ZNF221: variants seen among roughly 807,000 people sequenced by gnomAD.
ZNF221 encodes the protein zinc finger protein 221.
ZNF221 carries 10 observed loss-of-function variants against 12.6 expected under a neutral mutation model. The ratio of observed to expected loss-of-function variants is 0.79; its 90% CI spans 0.49 to 1.34. The LOEUF is 1.34. Ranked by LOEUF, ZNF221 falls within the 40% of genes most tolerant of loss-of-function variation. The probability of loss-of-function intolerance (pLI) is 0.00; values close to 1 mark genes in which losing one functional copy is unlikely to be tolerated. For missense variants in ZNF221, 661 were observed against 721.4 expected, an observed-to-expected ratio of 0.92 and a Z score of 0.96; for synonymous variants, 232 against 244.0, an observed-to-expected ratio of 0.95 and a Z score of 0.46.
chr19:43,959,421 A>G (rs965166659), intron 1 of ZNF221, among the ~76,000 whole-genome samples: 1 of 152,144 alleles, frequency 6.6e-6, no homozygotes, highest in Non-Finnish European at 1.5e-5. Flanking sequence ...AGTCCTTTTA[A>G]TTACATTTGA....
At chr19:43,954,614 A>G (rs1227388242) in intron 1 of ZNF221, among the ~76,000 whole-genome samples, 3 of 152,176 alleles carry the variant, frequency 2.0e-5, no homozygotes, top group Non-Finnish European at 4.4e-5. Context: ...GATGGGGTGA[A>G]GGCACAACCC....
At chr19:43,977,009 T>C in the ZNF221 span, 1 of 152,308 alleles carries the variant, frequency 6.6e-6, no homozygotes, top group East Asian at 1.9e-4. Context: ...AGTGCATTTA[T>C]TAATATAAAA....
chr19:43,958,935 G>A (rs1012917682), intron 1 of ZNF221, among the ~76,000 whole-genome samples: 4 of 151,900 alleles, frequency 2.6e-5, no homozygotes, highest in South Asian at 2.1e-4. Flanking sequence ...AGTTTCCTTC[G>A]GGCCTAACAA....
rs577809977 is a variant in ZNF221, at chr19:43,951,240, G to A, written c.-163G>A. On this transcript the variant is annotated 5_prime_UTR_variant, in exon 1 of 5. Coordinates refer to ENST00000587682, the MANE Select transcript of ZNF221 (RefSeq NM_001297588.2). ...GGAAATGTAGTCCAGACGCTCTGTG[G>A]AGTCGCGGGAGCTACGGCTGCGGGA... 1 of 152,398 alleles carries A rather than the reference G, an allele frequency of 6.6e-6. No individual in the cohort carries two copies. Among genetic ancestry groups the A allele is most frequent in the East Asian group, 1.9e-4 (1 of 5,188 alleles). 9.4% of individuals were successfully genotyped at this position (152,398 alleles called of 1,614,324 possible). A position where few individuals can be genotyped will look rare whatever the true frequency, so the allele number is the denominator to read the frequency against.
chr19:43,964,801 G>A, intron 2 of ZNF221, 149 bp from the exon 3 acceptor site: 1 of 1,066,732 alleles, frequency 9.4e-7, no homozygotes. Context: ...CAGGATATAG[G>A]CAGAATGAGT....
chr19:43,979,027 C>T, the ZNF221 span, among the ~76,000 whole-genome samples: 16 of 149,460 alleles, frequency 1.1e-4, no homozygotes, highest in African/African-American at 4.0e-4. Context: ...AAAATACACT[C>T]ATTTTACTTG....
downstream of ZNF221, among the ~76,000 whole-genome samples, chr19:43,969,303 C>G (rs1487718036): frequency 1.3e-5 from 2 of 148,934 alleles, no homozygotes; most frequent in Admixed American, 1.3e-4. Context: ...ACACAGAACA[C>G]CTGCTTTGCC....
Position 43,967,312 on chromosome 19 carries a change from GC to G in ZNF221, c.1811del (p.Ala604ValfsTer6). ...VWEEIYSEFT[A>X]SFTSVSLCGR... Reference sequence around the variant, plus strand: ...GGAAGAGATCTACTCAGAATTCACAGCTTCATTTACATCAGTAAGTCTATGT... The same window carrying G: ...GGAAGAGATCTACTCAGAATTCACAGTTCATTTACATCAGTAAGTCTATGT... On this transcript the variant is annotated frameshift_variant, in exon 5 of 5. Coordinates refer to ENST00000587682, the MANE Select transcript of ZNF221 (RefSeq NM_001297588.2). LOFTEE classifies it low-confidence loss of function (END_TRUNC). 1 of 1,613,276 alleles carries G rather than the reference GC, an allele frequency of 6.2e-7. No homozygotes were observed. Among genetic ancestry groups the G allele is most frequent in the East Asian group, 2.2e-5 (1 of 44,804 alleles).
intron 2 of ZNF221, among the ~76,000 whole-genome samples, chr19:43,963,476 G>A (rs1974883906): frequency 6.6e-6 from 1 of 152,196 alleles, no homozygotes; most frequent in Non-Finnish European, 1.5e-5. Flanking sequence ...TTTCACACAG[G>A]AAGAGCTAGA....
At chr19:43,976,250 G>A in the ZNF221 span, among the ~76,000 whole-genome samples, 1 of 151,488 alleles carries the variant, frequency 6.6e-6, no homozygotes, top group African/African-American at 2.4e-5. Flanking sequence ...AAATTTTTCT[G>A]GTAAAGGCCA....
At chr19:43,975,772 G>A in the ZNF221 span, among the ~76,000 whole-genome samples, 1 of 152,146 alleles carries the variant, frequency 6.6e-6, no homozygotes, top group African/African-American at 2.4e-5. Flanking sequence ...AACATGAGTT[G>A]AAATGCAGGG....
rs929900112 is a variant in ZNF221, at chr19:43,967,604, G to A, written c.*248G>A. On this transcript the variant is annotated 3_prime_UTR_variant, in exon 5 of 5. Transcript: ENST00000587682. Reference sequence around the variant, plus strand: ...CGCCATTCTCCTGCCTCAGCCTCCCGAGTAGCTGGGACTACAGGTGCCCGC... The same window carrying A: ...CGCCATTCTCCTGCCTCAGCCTCCCAAGTAGCTGGGACTACAGGTGCCCGC... 6.3e-5 allele frequency: 25 copies of A among 399,540 alleles called. No homozygotes were observed. The highest frequency in any genetic ancestry group is 2.2e-4 in the African/African-American group (11 of 49,364). The allele number at this position is 399,540 out of a possible 1,614,324, so 24.7% of individuals were successfully genotyped here. A position where few individuals can be genotyped will look rare whatever the true frequency, so the allele number is the denominator to read the frequency against.
At chr19:43,977,271 C>T in the ZNF221 span, 1 of 152,082 alleles carries the variant, frequency 6.6e-6, no homozygotes, top group African/African-American at 2.4e-5. Context: ...TCTCATTGAA[C>T]ACCAATTTTA....
downstream of ZNF221, chr19:43,967,918 T>C (rs575390196): frequency 1.8e-5 from 3 of 162,192 alleles, no homozygotes; most frequent in Admixed American, 6.1e-5. Flanking sequence ...CCGTGGAAGT[T>C]TGGGGAGATT....
In ZNF221 at chr19:43,966,422, A is replaced by G; in HGVS notation, c.920A>G (p.Glu307Gly). 6.2e-6 allele frequency: 10 copies of G among 1,614,076 alleles called. No homozygotes were observed. Among genetic ancestry groups the G allele is most frequent in the Non-Finnish European group, 8.5e-6 (10 of 1,179,984 alleles). Reference protein sequence around the residue: ...LQEHQRIHTGEKPFKCDICGK... With the variant: ...LQEHQRIHTGGKPFKCDICGK... ...GAACATCAGAGAATCCATACTGGGG[A>G]GAAGCCATTCAAATGTGATATATGT... Residue 307 changes from glutamate to glycine, a missense_variant, in exon 5 of 5, where the codon GAG becomes GGG. By Grantham distance (98) the Glu-to-Gly change is moderately conservative. Coordinates refer to ENST00000587682, the MANE Select transcript of ZNF221 (RefSeq NM_001297588.2).
At chr19:43,976,023 A>T in the ZNF221 span, among the ~76,000 whole-genome samples, 1 of 152,148 alleles carries the variant, frequency 6.6e-6, no homozygotes, top group African/African-American at 2.4e-5. Context: ...TTTTTCAACA[A>T]TTTTAAGGCA....
chr19:43,967,452 TG>T lies in ZNF221; in HGVS notation c.*99del. 1.1e-6 allele frequency: 1 copy of T among 930,120 alleles called. No homozygotes were observed. Among genetic ancestry groups the T allele is most frequent in the Non-Finnish European group, 1.6e-6 (1 of 606,518 alleles). 57.6% of individuals were successfully genotyped at this position (930,120 alleles called of 1,614,324 possible). On this transcript the variant is annotated 3_prime_UTR_variant, in exon 5 of 5. Transcript: ENST00000587682. ...AAAAACCATTCAAATATGAGAACTG[TG>T]GGAAGAGCTTTGTACATAGATCATA...
At chr19:43,969,453 A>G (rs151093560), downstream of ZNF221, among the ~76,000 whole-genome samples, 7,852 of 146,288 alleles carry the variant, frequency 0.054, 348 homozygotes, top group African/African-American at 0.13. Context: ...GGTTCAAGCA[A>G]TTCTCCTGCC....
In ZNF221 at chr19:43,966,323, A is replaced by G. The variant is rs144749364; in HGVS notation, c.821A>G (p.Lys274Arg). ...HSRSALNVHCKLHTGEKPYNC... is the reference protein window; with the variant it reads ...HSRSALNVHCRLHTGEKPYNC... ...AGATCAGCACTTAATGTTCATTGCAAATTGCACACAGGAGAGAAACCTTAT... is the reference window on the plus strand; with the variant it reads ...AGATCAGCACTTAATGTTCATTGCAGATTGCACACAGGAGAGAAACCTTAT... Residue 274 changes from lysine (K) to arginine (R), a missense_variant, in exon 5 of 5, where the codon AAA becomes AGA. Physicochemically the swap from Lys to Arg is conservative, Grantham distance 26. Transcript: ENST00000587682. The G allele has an allele frequency of 1.0e-3, 1,680 of 1,614,170 alleles. 3 individuals are homozygous for G. The highest frequency in any genetic ancestry group is 4.6e-3 in the Middle Eastern group (28 of 6,062).
Sources: gnomAD v4.1 joint callset for allele counts (sites outside exome capture counted in the v4.1 genomes callset) on GRCh38, gnomAD v4.1.1 for gene constraint, MANE v1.5 for transcripts, NCBI Gene and HGNC (gene_info 2026-07-23, HGNC 2026-07-21) for gene names.